RIC1: variants seen among roughly 807,000 people sequenced by gnomAD.
RIC1 encodes RIC1 partner of RAB6A GEF complex.
RIC1 carries 88 observed loss-of-function variants against 169.0 expected under a neutral mutation model. The observed-to-expected ratio is 0.52, with a 90% CI of 0.44 to 0.62. The LOEUF is 0.62. RIC1 is among the 20% of genes least tolerant of loss of function. The probability of loss-of-function intolerance (pLI) is 0.00; values close to 1 mark genes in which losing one functional copy is unlikely to be tolerated. For synonymous variants in RIC1, 790 were observed against 601.5 expected, an observed-to-expected ratio of 1.31 and a Z score of -4.59; for missense variants, 1,877 against 1,725.5, an observed-to-expected ratio of 1.09 and a Z score of -1.56.
chr9:5,637,165 C>T (rs1818010602), intron 1 of RIC1, among the ~76,000 whole-genome samples: 1 of 152,034 alleles, frequency 6.6e-6, no homozygotes, highest in South Asian at 2.1e-4. Context: ...GCTCAAGCAG[C>T]TGTCCTGCTT....
intron 2 of RIC1, among the ~76,000 whole-genome samples, chr9:5,677,535 T>C (rs549516858): frequency 2.0e-5 from 3 of 151,668 alleles, no homozygotes; most frequent in African/African-American, 7.3e-5. Context: ...CTTCATTCTG[T>C]TCCATGATCT....
chr9:5,731,581 C>G (rs1824372159), intron 6 of RIC1, among the ~76,000 whole-genome samples: 1 of 152,050 alleles, frequency 6.6e-6, no homozygotes. Context: ...TGACCTTTGC[C>G]TTGGAATTTA....
At chr9:5,702,710 T>G (rs1268382624) in intron 3 of RIC1, among the ~76,000 whole-genome samples, 1 of 152,106 alleles carries the variant, frequency 6.6e-6, no homozygotes, top group African/African-American at 2.4e-5. Flanking sequence ...GGCTAATTTT[T>G]TTTGTGTGTG....
intron 21 of RIC1, among the ~76,000 whole-genome samples, chr9:5,766,607 C>G (rs1262154313): frequency 6.6e-6 from 1 of 152,176 alleles, no homozygotes. Context: ...ATTTGGTTTT[C>G]CATTCCTGAG....
intron 6 of RIC1, among the ~76,000 whole-genome samples, chr9:5,729,635 C>G (rs1563932352): frequency 2.0e-5 from 3 of 152,074 alleles, no homozygotes; most frequent in Admixed American, 1.3e-4. Flanking sequence ...TATTTATATT[C>G]AGTCATCTCT....
At chr9:5,770,562 G>A (rs557956749) in intron 23 of RIC1, among the ~76,000 whole-genome samples, 1 of 152,300 alleles carries the variant, frequency 6.6e-6, no homozygotes, top group African/African-American at 2.4e-5. Context: ...TGAGCCCCAA[G>A]TAAGCAAAAT....
chr9:5,749,224 C>T (rs1825576771), intron 12 of RIC1, among the ~76,000 whole-genome samples: 1 of 152,168 alleles, frequency 6.6e-6, no homozygotes, highest in Admixed American at 6.5e-5. Flanking sequence ...AGCATTAAAT[C>T]ACATAATACA....
At chr9:5,715,956 C>T (rs539464645) in intron 4 of RIC1, among the ~76,000 whole-genome samples, 1 of 152,118 alleles carries the variant, frequency 6.6e-6, no homozygotes, top group East Asian at 1.9e-4. Flanking sequence ...CCAGTGATCT[C>T]ACCTCAGCCT....
chr9:5,658,315 T>A (rs751330285), intron 2 of RIC1, among the ~76,000 whole-genome samples: 2 of 152,098 alleles, frequency 1.3e-5, no homozygotes, highest in African/African-American at 4.8e-5. Flanking sequence ...TAAGCACTTA[T>A]CAGAATGTAC....
At chr9:5,686,728 GTAAC>G (rs1162907569) in intron 2 of RIC1, among the ~76,000 whole-genome samples, 3 of 152,010 alleles carry the variant, frequency 2.0e-5, no homozygotes, top group Admixed American at 6.6e-5. Flanking sequence ...GTATACATAT[GTAAC>G]TAACCTGCAC....
At chr9:5,695,026 A>G (rs1821808108) in intron 3 of RIC1, among the ~76,000 whole-genome samples, 1 of 152,176 alleles carries the variant, frequency 6.6e-6, no homozygotes, top group African/African-American at 2.4e-5. Flanking sequence ...TGATAAGTAA[A>G]ATACATTATG....
Position 5,700,131 on chromosome 9 carries a change from C to A in RIC1, c.332+10093C>A, listed in dbSNP as rs181842386. On this transcript the variant is annotated intron_variant, in intron 3 of 25. Transcript: ENST00000414202. Reference sequence around the variant, plus strand: ...ATTGACATTTCTGTTCTTTCCTTCACAAATTCTGCCATGGCTTGTAGGGAG... The same window carrying A: ...ATTGACATTTCTGTTCTTTCCTTCAAAAATTCTGCCATGGCTTGTAGGGAG... Among the ~76,000 whole-genome samples, 279 of 151,990 alleles carry A rather than the reference C, an allele frequency of 1.8e-3. 3 individuals carry two copies. Among genetic ancestry groups the A allele is most frequent in the African/African-American group, 6.3e-3 (263 of 41,432 alleles).
chr9:5,663,644 T>G (rs1371007301), intron 2 of RIC1, among the ~76,000 whole-genome samples: 1 of 152,220 alleles, frequency 6.6e-6, no homozygotes, highest in Non-Finnish European at 1.5e-5. Flanking sequence ...CGTGGTTCTT[T>G]CTGTTTTCCA....
intron 17 of RIC1, among the ~76,000 whole-genome samples, chr9:5,758,472 C>T (rs1186000410): frequency 6.6e-6 from 1 of 152,178 alleles, no homozygotes; most frequent in Non-Finnish European, 1.5e-5. Flanking sequence ...TTTAATATTA[C>T]TTATATGAAT....
chr9:5,770,426 C>T (rs1453850414), intron 23 of RIC1, 148 bp downstream of exon 23: 2 of 668,150 alleles, frequency 3.0e-6, no homozygotes, highest in East Asian at 5.7e-5. Context: ...GTTTGTAGAA[C>T]AAGGCCAAAC....
intron 3 of RIC1, among the ~76,000 whole-genome samples, chr9:5,703,365 C>G (rs1285526361): frequency 6.6e-6 from 1 of 152,186 alleles, no homozygotes; most frequent in Non-Finnish European, 1.5e-5. Context: ...CTCCATGTCT[C>G]ACATAGCATT....
At chr9:5,709,831 C>G (rs1055123575) in intron 3 of RIC1, among the ~76,000 whole-genome samples, 8 of 152,046 alleles carry the variant, frequency 5.3e-5, no homozygotes, top group African/African-American at 1.7e-4. Flanking sequence ...AGATGTATCT[C>G]TAATTTTATA....
intron 9 of RIC1, among the ~76,000 whole-genome samples, 184 bp downstream of exon 9, chr9:5,743,197 T>C (rs1214947094): frequency 2.0e-5 from 3 of 152,186 alleles, no homozygotes; most frequent in Non-Finnish European, 2.9e-5. Flanking sequence ...AAAATGTACA[T>C]CTCATTCCAC....
chr9:5,644,144 G>A (rs1449988382), intron 1 of RIC1, among the ~76,000 whole-genome samples: 1 of 152,160 alleles, frequency 6.6e-6, no homozygotes, highest in African/African-American at 2.4e-5. Context: ...AATTTATAGT[G>A]TTGTGCATCC....
Sources: gnomAD v4.1 joint callset for allele counts (sites outside exome capture counted in the v4.1 genomes callset) on GRCh38, gnomAD v4.1.1 for gene constraint, MANE v1.5 for transcripts, NCBI Gene and HGNC (gene_info 2026-07-23, HGNC 2026-07-21) for gene names.